Variants in CCDC7 observed in about 807,000 individuals in gnomAD.
CCDC7 encodes the protein coiled-coil domain containing 7.
Under a neutral mutation model 196.9 loss-of-function variants are expected in CCDC7, and 183 were observed. The ratio of observed to expected loss-of-function variants is 0.93; its 90% CI spans 0.82 to 1.05. CCDC7 has a LOEUF of 1.05. Among genes scored for constraint, CCDC7 ranks in the 50% least tolerant of loss-of-function variants. The pLI is 0.00. For missense variants in CCDC7, 1,540 were observed against 1,482.2 expected (o/e 1.04, Z -0.64); for synonymous variants, 525 against 484.6 (o/e 1.08, Z -1.10).
chr10:32,572,049 G>A (rs1186667782), intron 16 of CCDC7, among the ~76,000 whole-genome samples, 156 bp downstream of exon 17: 3 of 152,042 alleles, frequency 2.0e-5, no homozygotes, highest in Non-Finnish European at 4.4e-5. Flanking sequence ...ATCAAAGTTA[G>A]AAGAGTTGAT....
chr10:32,454,586 A>G (rs1190742896), intron 2 of CCDC7, among the ~76,000 whole-genome samples: 1 of 151,900 alleles, frequency 6.6e-6, no homozygotes, highest in Non-Finnish European at 1.5e-5. Flanking sequence ...TTAAAAAAAA[A>G]ACCACCAAAA....
At position 32,451,928 on chromosome 10, in the gene CCDC7, G is replaced by A. The variant is rs1022171218; in HGVS notation, c.279+7G>A. The A allele has an allele frequency of 6.9e-6, 11 of 1,605,400 alleles. No individual in the cohort carries two copies. The highest frequency in any genetic ancestry group is 3.4e-5 in the Admixed American group (2 of 59,098). ...TATCAAACATCTGAAGATGGTAAGA[G>A]GCTTGTTAGTTTCTGTGTTGCAGGG... On this transcript the variant is annotated splice_region_variant and intron_variant, in intron 1 of 41. Coordinates refer to ENST00000639629, the Ensembl canonical transcript of CCDC7.
At chr10:32,605,202 A>G (rs1028764037) in intron 18 of CCDC7, among the ~76,000 whole-genome samples, 2 of 152,118 alleles carry the variant, frequency 1.3e-5, no homozygotes, top group African/African-American at 2.4e-5. Flanking sequence ...CCAAGGCTTC[A>G]CCAGACACCA....
chr10:32,583,225 T>C (rs2058910674), exon 17 of CCDC7: 1 of 1,231,476 alleles, frequency 8.1e-7, no homozygotes, highest in African/African-American at 1.5e-5. Context: ...CAAGATTCAC[T>C]GTCTGTTGGA....
chr10:32,835,384 C>G (rs1286021214), intron 33 of CCDC7, among the ~76,000 whole-genome samples: 1 of 151,888 alleles, frequency 6.6e-6, no homozygotes, highest in African/African-American at 2.4e-5. Context: ...AACCTTTACC[C>G]TTATGTAATG....
intron 31 of CCDC7, among the ~76,000 whole-genome samples, chr10:32,821,748 G>T (rs2090252150): frequency 6.6e-6 from 1 of 152,064 alleles, no homozygotes; most frequent in Admixed American, 6.6e-5. Context: ...TCTCATAGGT[G>T]GGAATTGAAC....
At chr10:32,563,394 C>A (rs1279973124) in intron 13 of CCDC7, among the ~76,000 whole-genome samples, 11 of 152,086 alleles carry the variant, frequency 7.2e-5, no homozygotes, top group Non-Finnish European at 1.6e-4. Context: ...ACGTGACTTC[C>A]AACTATACTA....
intron 22 of CCDC7, among the ~76,000 whole-genome samples, chr10:32,687,297 T>C (rs757107547): frequency 2.6e-5 from 4 of 152,242 alleles, no homozygotes; most frequent in Non-Finnish European, 5.9e-5. Context: ...CAGGCAATTT[T>C]TGGAGACCAA....
intron 16 of CCDC7, among the ~76,000 whole-genome samples, 173 bp from the exon 18 acceptor site, chr10:32,582,861 T>A (rs925330695): frequency 2.0e-5 from 3 of 152,152 alleles, no homozygotes; most frequent in Admixed American, 1.3e-4. Context: ...ACAGGACATA[T>A]GTTACTATCT....
intron 28 of CCDC7, among the ~76,000 whole-genome samples, chr10:32,748,274 G>C (rs1193020885): frequency 6.6e-6 from 1 of 151,958 alleles, no homozygotes; most frequent in Non-Finnish European, 1.5e-5. Flanking sequence ...GTCACTACCT[G>C]GGTGACAAAA....
intron 20 of CCDC7, among the ~76,000 whole-genome samples, chr10:32,663,151 A>G (rs2071871453): frequency 6.6e-6 from 1 of 152,184 alleles, no homozygotes; most frequent in Non-Finnish European, 1.5e-5. Flanking sequence ...CATAAGTGCC[A>G]CTGTCCCTAA....
intron 41 of CCDC7, among the ~76,000 whole-genome samples, chr10:32,868,258 C>G (rs1386914294): frequency 6.6e-6 from 1 of 151,948 alleles, no homozygotes; most frequent in East Asian, 1.9e-4. Context: ...CTGTTCTACT[C>G]TTTTGGGTAT....
chr10:32,608,360 C>A (rs939178387), intron 18 of CCDC7, among the ~76,000 whole-genome samples: 11 of 151,788 alleles, frequency 7.2e-5, no homozygotes, highest in African/African-American at 2.7e-4. Context: ...TCCTCCTTTT[C>A]TGGTTCCTTG....
intron 40 of CCDC7, 152 bp from the exon 42 acceptor site, chr10:32,854,248 T>C: frequency 1.8e-6 from 1 of 554,298 alleles, no homozygotes. Context: ...AGAGAGAAAA[T>C]ATTTGTGTCA....
intron 28 of CCDC7, among the ~76,000 whole-genome samples, chr10:32,766,795 T>C (rs138458918): frequency 7.9e-5 from 12 of 152,116 alleles, no homozygotes; most frequent in Non-Finnish European, 1.3e-4. Flanking sequence ...AAGTAAAATA[T>C]ATGATGTGGC....
chr10:32,597,663 GTT>G (rs1255161669), intron 18 of CCDC7, among the ~76,000 whole-genome samples: 2 of 152,116 alleles, frequency 1.3e-5, no homozygotes, highest in Non-Finnish European at 2.9e-5. Flanking sequence ...TTTTATCTAC[GTT>G]TGGTCTTTGA....
At chr10:32,525,459 A>T (rs2048526112) in intron 11 of CCDC7, among the ~76,000 whole-genome samples, 1 of 152,060 alleles carries the variant, frequency 6.6e-6, no homozygotes, top group South Asian at 2.1e-4. Flanking sequence ...CCTTCTCTGT[A>T]TTATCTTGAA....
In CCDC7 at chr10:32,548,120, G is replaced by A. The variant is rs562654015; in HGVS notation, c.1134+3819G>A. Reference sequence around the variant, plus strand: ...GCAAGGTAATTTTACTTCTATAGAAGGGTGTGACTTGCGGATGGAGCAATG... The same window carrying A: ...GCAAGGTAATTTTACTTCTATAGAAAGGTGTGACTTGCGGATGGAGCAATG... On this transcript the variant is annotated intron_variant, in intron 13 of 41. Coordinates refer to ENST00000639629, the Ensembl canonical transcript of CCDC7. 3.3e-4 allele frequency among the ~76,000 whole-genome samples: 51 copies of A among 152,308 alleles called. 1 individual carries two copies. Among genetic ancestry groups the A allele is most frequent in the African/African-American group, 9.9e-4 (41 of 41,568 alleles).
At chr10:32,529,289 G>A (rs1298246119) in intron 11 of CCDC7, among the ~76,000 whole-genome samples, 1 of 152,128 alleles carries the variant, frequency 6.6e-6, no homozygotes. Context: ...CAAAGTGCTG[G>A]GACTACAGGC....
Sources: allele counts gnomAD v4.1 joint callset (sites outside exome capture counted in the v4.1 genomes callset), GRCh38; gene constraint gnomAD v4.1.1; transcripts MANE v1.5; gene names NCBI Gene and HGNC (gene_info 2026-07-23, HGNC 2026-07-21).